ZNF479: variants seen among roughly 807,000 people sequenced by gnomAD.
The protein encoded by ZNF479 is KRAB zinc finger protein KR19.
ZNF479 carries 15 observed loss-of-function variants against 14.7 expected under a neutral mutation model. The ratio of observed to expected loss-of-function variants is 1.02; its 90% CI spans 0.68 to 1.57. The LOEUF (loss-of-function observed/expected upper bound fraction) is 1.57. Ranked by LOEUF, ZNF479 falls within the 40% of genes most tolerant of loss-of-function variation. The pLI is 0.00. For missense variants in ZNF479, 506 were observed against 615.1 expected (o/e 0.82, Z 1.88); for synonymous variants, 145 against 211.5 (o/e 0.69, Z 2.73).
Position 57,125,452 on chromosome 7 carries a change from T to G in ZNF479, c.262+566A>C, listed in dbSNP as rs1436543527. On this transcript the variant is annotated intron_variant, in intron 3 of 3. Coordinates refer to ENST00000319636, the MANE Select transcript of ZNF479 (RefSeq NM_001370129.2). Reference sequence around the variant, plus strand: ...TAAAATGAAGACATAAAAGGTACCCTGCTTGCATATCCCCCCACAGCAAGT... The same window carrying G: ...TAAAATGAAGACATAAAAGGTACCCGGCTTGCATATCCCCCCACAGCAAGT... Among the ~76,000 whole-genome samples, 5 of 151,394 alleles carry G rather than the reference T, an allele frequency of 3.3e-5. No homozygotes were observed. The South Asian group carries it at 1.0e-3, about 31-fold the overall frequency.
upstream of ZNF479, among the ~76,000 whole-genome samples, chr7:57,133,900 GA>G (rs1180392795): frequency 6.6e-6 from 1 of 152,088 alleles, no homozygotes; most frequent in East Asian, 1.9e-4. Flanking sequence ...ATAACAGGTG[GA>G]ATTGATTGCA....
intron 1 of ZNF479, among the ~76,000 whole-genome samples, chr7:57,128,084 T>C (rs2115881006): frequency 6.6e-6 from 1 of 152,022 alleles, no homozygotes; most frequent in African/African-American, 2.4e-5. Flanking sequence ...TACAGGTGCA[T>C]GCACCATGCC....
Position 57,118,524 on chromosome 7 carries a change from A to G in ZNF479, c.*1316T>C, listed in dbSNP as rs1269637875. Among the ~76,000 whole-genome samples the G allele has an allele frequency of 6.6e-6, 1 of 152,072 alleles. No homozygotes were observed. Among genetic ancestry groups the G allele is most frequent in the Non-Finnish European group, 1.5e-5 (1 of 68,018 alleles). On this transcript the variant is annotated 3_prime_UTR_variant, in exon 4 of 4. Coordinates refer to ENST00000319636, the MANE Select transcript of ZNF479 (RefSeq NM_001370129.2). The stretch of plus-strand genomic sequence containing the variant: ...GTAGCTGGGATTACAAGTGCACGCC[A>G]CCACACCCAGCTAGTTTTTCTATTT...
chr7:57,121,287 C>T (rs1785935528), intron 3 of ZNF479, 135 bp from the exon 4 acceptor site: 2 of 690,120 alleles, frequency 2.9e-6, no homozygotes, highest in Admixed American at 2.9e-5. Context: ...ATAATTCCTT[C>T]ATAGATGTAT....
At chr7:57,123,206 T>A (rs954941536) in intron 3 of ZNF479, among the ~76,000 whole-genome samples, 14 of 152,148 alleles carry the variant, frequency 9.2e-5, no homozygotes, top group African/African-American at 3.4e-4. Context: ...GAACCAAACA[T>A]GTCACATGGT....
upstream of ZNF479, among the ~76,000 whole-genome samples, chr7:57,134,359 G>A (rs1406665970): frequency 6.6e-6 from 1 of 152,150 alleles, no homozygotes; most frequent in Non-Finnish European, 1.5e-5. Context: ...ATTAGCACGT[G>A]AAAGACATTC....
In ZNF479 at chr7:57,126,716, T is replaced by A. The variant is rs1242056067; in HGVS notation, c.42A>T (p.Gly14=). 3.7e-6 allele frequency: 6 copies of A among 1,613,940 alleles called. No homozygotes were observed. Among genetic ancestry groups the A allele is most frequent in the Non-Finnish European group, 5.1e-6 (6 of 1,179,950 alleles). The change falls in exon 2 of 4, where the codon GGA becomes GGT. Residue 14 remains glycine, a splice_region_variant and synonymous_variant. Transcript: ENST00000319636. The part of the protein sequence containing the change: ...RPGPPGSREM[G]LLTFRDIAIE... ...TAGCTATGTCTCTGAATGTCAACAGTCCCTGGAAAACAAACAAACAAAACC... is the reference window on the plus strand; with the variant it reads ...TAGCTATGTCTCTGAATGTCAACAGACCCTGGAAAACAAACAAACAAAACC...
Position 57,119,247 on chromosome 7 carries a change from G to T in ZNF479, c.*593C>A, listed in dbSNP as rs541654161. Reference sequence around the variant, plus strand: ...CAGCTTTACCACATTCTTTGCTTTTGTAGAGTTTCTCTCTAGAATGAATGA... The same window carrying T: ...CAGCTTTACCACATTCTTTGCTTTTTTAGAGTTTCTCTCTAGAATGAATGA... On this transcript the variant is annotated 3_prime_UTR_variant, in exon 4 of 4. Transcript: ENST00000319636. Among the ~76,000 whole-genome samples the T allele has an allele frequency of 1.3e-5, 2 of 152,284 alleles. No homozygotes were observed. The highest frequency in any genetic ancestry group is 2.9e-5 in the Non-Finnish European group (2 of 68,020).
intron 3 of ZNF479, among the ~76,000 whole-genome samples, chr7:57,124,623 C>T (rs1212982272): frequency 6.6e-6 from 1 of 152,156 alleles, no homozygotes; most frequent in Non-Finnish European, 1.5e-5. Context: ...GGCTAAACTT[C>T]AAAATTTCTG....
exon 1 of ZNF479, chr7:57,139,771 T>C (rs1267167299): frequency 6.6e-6 from 1 of 152,200 alleles, no homozygotes; most frequent in African/African-American, 2.4e-5. Context: ...TTAACCCAAA[T>C]GATATAACTC....
At chr7:57,131,486 C>T (rs4452745) in intron 1 of ZNF479, among the ~76,000 whole-genome samples, 40,795 of 148,020 alleles carry the variant, frequency 0.28, 6,582 homozygotes, top group East Asian at 0.52. Context: ...TTACTTGAAC[C>T]TGGGAGGCAG....
In ZNF479 at chr7:57,119,779, T is replaced by A. The variant is rs1785818090; in HGVS notation, c.*61A>T. 5.2e-6 allele frequency: 7 copies of A among 1,346,122 alleles called. No homozygotes were observed. Among genetic ancestry groups the A allele is most frequent in the South Asian group, 1.4e-5 (1 of 74,014 alleles). 83.4% of individuals were successfully genotyped at this position (1,346,122 alleles called of 1,614,324 possible). A position where few individuals can be genotyped will look rare whatever the true frequency, so the allele number is the denominator to read the frequency against. Reference sequence around the variant, plus strand: ...TTGGCCACATTCTCTACATTTGTAGTGTTTTTTTCCAGTGTAAATTATTTT... The same window carrying A: ...TTGGCCACATTCTCTACATTTGTAGAGTTTTTTTCCAGTGTAAATTATTTT... On this transcript the variant is annotated 3_prime_UTR_variant, in exon 4 of 4. Coordinates refer to ENST00000319636, the MANE Select transcript of ZNF479 (RefSeq NM_001370129.2).
In ZNF479 at chr7:57,126,604, G is replaced by T. The variant is rs547142284; in HGVS notation, c.154C>A (p.Leu52Met). Reference protein sequence around the residue: ...RDVMLENYRNLVSLGIAVSKP... With the variant: ...RDVMLENYRNMVSLGIAVSKP... ...AAGTTATCCTCACCCAGGGAGACCA[G>T]GTTTCTGTAGTTCTCTAACATCACA... The change falls in exon 2 of 4, where the codon CTG becomes ATG. Residue 52 changes from leucine to methionine, a missense_variant. By Grantham distance (15) the Leu-to-Met change is conservative. This residue lies in a region of ZNF479 where 420 missense variants were observed against 474.2 expected (regional missense o/e 0.89). Coordinates refer to ENST00000319636, the MANE Select transcript of ZNF479 (RefSeq NM_001370129.2). The T allele has an allele frequency of 6.2e-7, 1 of 1,613,426 alleles. No individual in the cohort carries two copies.
At chr7:57,132,800 G>A (rs1786494974), upstream of ZNF479, among the ~76,000 whole-genome samples, 1 of 152,158 alleles carries the variant, frequency 6.6e-6, no homozygotes, top group Non-Finnish European at 1.5e-5. Context: ...ATCCTTTGCA[G>A]TGACATGGTG....
intron 1 of ZNF479, among the ~76,000 whole-genome samples, chr7:57,128,574 G>A (rs1391322793): frequency 3.3e-5 from 5 of 152,020 alleles, no homozygotes; most frequent in Admixed American, 2.6e-4. Context: ...AGCTACAATG[G>A]GAACATTTTA....
chr7:57,135,180 T>C (rs1786592266), upstream of ZNF479, among the ~76,000 whole-genome samples: 3 of 152,170 alleles, frequency 2.0e-5, no homozygotes, highest in Admixed American at 2.0e-4. Flanking sequence ...ATCGGGTTAG[T>C]AGCCCAATTT....
chr7:57,121,061 A>C lies in ZNF479; in HGVS notation c.354T>G (p.Cys118Trp), dbSNP rs782566686. 4.3e-6 allele frequency: 7 copies of C among 1,613,862 alleles called. No homozygotes were observed. The highest frequency in any genetic ancestry group is 2.2e-5 in the South Asian group (2 of 91,074). Residue 118 changes from cysteine (C) to tryptophan (W), a missense_variant, in exon 4 of 4, where the codon TGT becomes TGG. Physicochemically the swap from Cys to Trp is radical, Grantham distance 215. Coordinates refer to ENST00000319636, the MANE Select transcript of ZNF479 (RefSeq NM_001370129.2). ...TTTTAAATTGTAATTTCTCATGTCC[A>C]CATTTTCCATATGTTCTTGGTATTA... ...QKVIPRTYGK[C>W]GHEKLQFKKC...
In ZNF479 at chr7:57,127,937, A is replaced by ATT. The variant is rs377564394; in HGVS notation, c.40-1221_40-1220dup. The stretch of plus-strand genomic sequence containing the variant: ...ATTTAATTTTATTATATATATATAT[A>ATT]TTTTTTTTTTTTTTTTGAGACAGAG... On this transcript the variant is annotated intron_variant, in intron 1 of 3. Coordinates refer to ENST00000319636, the MANE Select transcript of ZNF479 (RefSeq NM_001370129.2). Among the ~76,000 whole-genome samples, 16 of 139,346 alleles carry ATT rather than the reference A, an allele frequency of 1.1e-4. No individual in the cohort carries two copies. In the East Asian group the frequency reaches 1.9e-3, roughly 16 times the overall value. 91.4% of individuals were successfully genotyped at this position (139,346 alleles called of 152,430 possible). A position where few individuals can be genotyped will look rare whatever the true frequency, so the allele number is the denominator to read the frequency against.
At chr7:57,136,386 A>G (rs927905430), upstream of ZNF479, among the ~76,000 whole-genome samples, 2 of 151,868 alleles carry the variant, frequency 1.3e-5, no homozygotes, top group African/African-American at 4.8e-5. Flanking sequence ...TCCATCTCAA[A>G]AAAAAAATAC....
Sources: allele counts gnomAD v4.1 joint callset (sites outside exome capture counted in the v4.1 genomes callset), GRCh38; gene constraint gnomAD v4.1.1; regional missense constraint gnomAD v4.1.1; transcripts MANE v1.5; gene names NCBI Gene and HGNC (gene_info 2026-07-23, HGNC 2026-07-21).